RNF150: variants seen among roughly 807,000 people sequenced by gnomAD.
The protein encoded by RNF150 is ring finger protein 150.
RNF150 carries 24 observed loss-of-function variants against 39.3 expected under a neutral mutation model. The ratio of observed to expected loss-of-function variants is 0.61; its 90% CI spans 0.44 to 0.86. The LOEUF (loss-of-function observed/expected upper bound fraction) is 0.86. Ranked by LOEUF, RNF150 falls within the 40% of genes least tolerant of loss-of-function variation. The probability of loss-of-function intolerance (pLI) is 0.00; values close to 1 mark genes in which losing one functional copy is unlikely to be tolerated. For missense variants in RNF150, 502 were observed against 587.8 expected (o/e 0.85, Z 1.51); for synonymous variants, 255 against 227.3 (o/e 1.12, Z -1.10).
At chr4:140,959,507 A>C (rs748448155) in intron 2 of RNF150, among the ~76,000 whole-genome samples, 2 of 152,146 alleles carry the variant, frequency 1.3e-5, no homozygotes, top group Non-Finnish European at 2.9e-5. Context: ...GAGAGCTTGA[A>C]ACAATTAGTC....
At chr4:141,199,722 C>T (rs574015250) in intron 1 of RNF150, among the ~76,000 whole-genome samples, 11 of 152,130 alleles carry the variant, frequency 7.2e-5, no homozygotes, top group Non-Finnish European at 1.0e-4. Context: ...TTCAGATTGA[C>T]GGACTGTTCT....
At chr4:140,905,842 G>A (rs1189402042) in intron 6 of RNF150, among the ~76,000 whole-genome samples, 2 of 152,190 alleles carry the variant, frequency 1.3e-5, no homozygotes, top group Non-Finnish European at 2.9e-5. Flanking sequence ...TGTCCTGGAA[G>A]AGGACTGTCA....
intron 4 of RNF150, 70 bp downstream of exon 4, chr4:140,947,584 G>T: frequency 1.8e-6 from 2 of 1,136,592 alleles, no homozygotes; most frequent in Non-Finnish European, 2.7e-6. Flanking sequence ...AGCAGGTCGG[G>T]GCCAGGGAGG....
chr4:141,008,181 T>C (rs189203678), intron 1 of RNF150, among the ~76,000 whole-genome samples: 301 of 152,360 alleles, frequency 2.0e-3, no homozygotes, highest in Admixed American at 2.9e-3. Flanking sequence ...TAAGTTTCAA[T>C]GTATACTTGA....
At chr4:141,161,255 C>G (rs1479645790) in intron 1 of RNF150, among the ~76,000 whole-genome samples, 1 of 152,098 alleles carries the variant, frequency 6.6e-6, no homozygotes, top group Admixed American at 6.6e-5. Context: ...TGACTGTACC[C>G]CTGCCCTAGG....
chr4:141,137,009 G>A (rs1350632597), upstream of RNF150, among the ~76,000 whole-genome samples: 2 of 152,138 alleles, frequency 1.3e-5, no homozygotes, highest in Non-Finnish European at 2.9e-5. Flanking sequence ...TACAATCTGA[G>A]GCAAGTACAT....
intron 1 of RNF150, among the ~76,000 whole-genome samples, chr4:141,180,329 C>A (rs545324133): frequency 6.6e-6 from 1 of 152,288 alleles, no homozygotes; most frequent in Non-Finnish European, 1.5e-5. Flanking sequence ...TTTAACCAGG[C>A]ATAAGGAATA....
intron 1 of RNF150, among the ~76,000 whole-genome samples, chr4:141,071,948 A>AT (rs1438469742): frequency 6.6e-6 from 1 of 152,118 alleles, no homozygotes; most frequent in Non-Finnish European, 1.5e-5. Flanking sequence ...ATTCTGCCAT[A>AT]TTTTCAAGCA....
At chr4:140,956,206 A>G (rs1732747508) in intron 2 of RNF150, among the ~76,000 whole-genome samples, 1 of 152,198 alleles carries the variant, frequency 6.6e-6, no homozygotes, top group African/African-American at 2.4e-5. Context: ...TAGTGAGACA[A>G]TATTCCAAGA....
intron 1 of RNF150, chr4:141,053,685 G>T: frequency 7.1e-7 from 1 of 1,406,232 alleles, no homozygotes; most frequent in Non-Finnish European, 9.3e-7. Flanking sequence ...GGGAATATGG[G>T]CATGGTGAAA....
At chr4:140,896,723 A>AAAAT (rs1553989321) in intron 6 of RNF150, among the ~76,000 whole-genome samples, 15 of 136,104 alleles carry the variant, frequency 1.1e-4, no homozygotes, top group African/African-American at 3.7e-4. Context: ...CAAACAAACA[A>AAAAT]AAAAAAATAA....
At chr4:140,939,003 T>C (rs545498562) in intron 4 of RNF150, among the ~76,000 whole-genome samples, 3 of 152,194 alleles carry the variant, frequency 2.0e-5, no homozygotes, top group Non-Finnish European at 4.4e-5. Context: ...AACTAATTCA[T>C]TAAAACTAGT....
intron 1 of RNF150, among the ~76,000 whole-genome samples, chr4:141,105,870 C>G (rs1360871249): frequency 6.6e-6 from 1 of 152,178 alleles, no homozygotes; most frequent in Non-Finnish European, 1.5e-5. Flanking sequence ...TTCAGTGCAG[C>G]TAGCACAGCC....
chr4:141,120,491 A>T (rs1726572209), intron 1 of RNF150, among the ~76,000 whole-genome samples: 1 of 152,232 alleles, frequency 6.6e-6, no homozygotes, highest in Non-Finnish European at 1.5e-5. Flanking sequence ...CTCTTGGAGT[A>T]CAAGTGGCAT....
At chr4:141,099,958 T>C (rs534321432) in intron 1 of RNF150, among the ~76,000 whole-genome samples, 60 of 152,330 alleles carry the variant, frequency 3.9e-4, no homozygotes, top group African/African-American at 1.3e-3. Flanking sequence ...TGTGTGTACC[T>C]GTCTCTGAAA....
chr4:141,183,950 T>C (rs1727956133), intron 1 of RNF150, among the ~76,000 whole-genome samples: 1 of 152,198 alleles, frequency 6.6e-6, no homozygotes, highest in South Asian at 2.1e-4. Context: ...TTATTGTAAA[T>C]AGTGCTGCAA....
At chr4:141,012,336 A>G (rs1268911837) in intron 1 of RNF150, among the ~76,000 whole-genome samples, 1 of 152,190 alleles carries the variant, frequency 6.6e-6, no homozygotes, top group African/African-American at 2.4e-5. Flanking sequence ...CAAGAATTCA[A>G]TTTCCTTGTC....
In RNF150 at chr4:141,072,717, A is replaced by G. The variant is rs1025037882; in HGVS notation, c.484+59608T>C. Among the ~76,000 whole-genome samples, 4 of 152,144 alleles carry G rather than the reference A, an allele frequency of 2.6e-5. No individual in the cohort carries two copies. The East Asian group carries it at 7.7e-4, about 29-fold the overall frequency. ...GATGTGAAAAGTGCACATTGAATTT[A>G]CCATCCCTATGAAAAGTAATTTCAG... On this transcript the variant is annotated intron_variant, in intron 1 of 6. Coordinates refer to ENST00000515673, the MANE Select transcript of RNF150 (RefSeq NM_020724.2).
At chr4:141,001,886 C>A (rs73860208) in intron 1 of RNF150, among the ~76,000 whole-genome samples, 4 of 151,950 alleles carry the variant, frequency 2.6e-5, no homozygotes, top group South Asian at 4.2e-4. Flanking sequence ...AACTTGTATA[C>A]GCTTATTAGT....
Sources: allele counts gnomAD v4.1 joint callset (sites outside exome capture counted in the v4.1 genomes callset), GRCh38; gene constraint gnomAD v4.1.1; transcripts MANE v1.5; gene names NCBI Gene and HGNC (gene_info 2026-07-23, HGNC 2026-07-21).